Variants in MFSD11 observed in about 807,000 individuals in gnomAD.
MFSD11 encodes UNC93-like protein MFSD11.
Under a neutral mutation model 53.5 loss-of-function variants are expected in MFSD11, and 36 were observed. The observed-to-expected ratio is 0.67, with a 90% CI of 0.52 to 0.89. The LOEUF (loss-of-function observed/expected upper bound fraction) is 0.89. MFSD11 is among the 40% of genes least tolerant of loss of function. MFSD11 has a pLI of 0.00. For synonymous variants in MFSD11, 186 were observed against 184.9 expected (o/e 1.01, Z -0.05); for missense variants, 530 against 543.9 (o/e 0.97, Z 0.25).
chr17:76,759,556 G>A (rs2079990664), intron 8 of MFSD11, among the ~76,000 whole-genome samples: 2 of 152,040 alleles, frequency 1.3e-5, no homozygotes, highest in Non-Finnish European at 2.9e-5. Context: ...GCAGGTTTAA[G>A]CGATTCTCCT....
chr17:76,767,187 A>G lies in MFSD11; in HGVS notation c.683-199A>G, dbSNP rs2080923557. The G allele has an allele frequency of 7.9e-6, 4 of 504,744 alleles. No individual in the cohort carries two copies. The South Asian group carries it at 1.1e-4, about 14-fold the overall frequency. The allele number at this position is 504,744 out of a possible 1,614,324, so 31.3% of individuals were successfully genotyped here. On this transcript the variant is annotated intron_variant, in intron 8 of 12. Coordinates refer to ENST00000685175, the MANE Select transcript of MFSD11 (RefSeq NM_001242532.5). Reference sequence around the variant, plus strand: ...CTGAGGAAATGCATCTGTAGAATGTATTTAAGCACTTGAAATAAACGTTTT... The same window carrying G: ...CTGAGGAAATGCATCTGTAGAATGTGTTTAAGCACTTGAAATAAACGTTTT...
At chr17:76,769,960 G>T in intron 10 of MFSD11, 89 bp downstream of exon 10, 1 of 1,206,590 alleles carries the variant, frequency 8.3e-7, no homozygotes, top group Non-Finnish European at 1.2e-6. Flanking sequence ...CTTTGTCCTT[G>T]AATTTCTGTT....
downstream of MFSD11, among the ~76,000 whole-genome samples, chr17:76,786,336 G>C (rs1411586935): frequency 1.3e-5 from 2 of 151,866 alleles, no homozygotes; most frequent in African/African-American, 4.8e-5. Flanking sequence ...GTAGAGACAG[G>C]GTTTCGCCAT....
intron 10 of MFSD11, among the ~76,000 whole-genome samples, chr17:76,771,419 A>G (rs1286600308): frequency 6.6e-6 from 1 of 152,260 alleles, no homozygotes; most frequent in Non-Finnish European, 1.5e-5. Flanking sequence ...TATATTGAAT[A>G]TTGTGTTAGA....
chr17:76,737,311 T>G, upstream of MFSD11: 7 of 1,112,280 alleles, frequency 6.3e-6, no homozygotes, highest in Non-Finnish European at 8.6e-6. Flanking sequence ...CTCCGCAGGC[T>G]AGCGCACCTG....
At chr17:76,741,748 A>G (rs527693315) in intron 3 of MFSD11, among the ~76,000 whole-genome samples, 1 of 152,298 alleles carries the variant, frequency 6.6e-6, no homozygotes. Context: ...TGATGGTACC[A>G]CTGCACTCCA....
intron 7 of MFSD11, chr17:76,752,813 G>A (rs1375911524): frequency 6.6e-6 from 1 of 152,184 alleles, no homozygotes; most frequent in East Asian, 1.9e-4. Context: ...TAATCTTCCT[G>A]AGGTAAATAT....
intron 8 of MFSD11, among the ~76,000 whole-genome samples, chr17:76,763,066 G>A (rs999763797): frequency 6.6e-6 from 1 of 152,062 alleles, no homozygotes; most frequent in African/African-American, 2.4e-5. Flanking sequence ...CATAAAGTTC[G>A]TGTACAAGTT....
chr17:76,759,756 C>CTTTTTTTTTTTTTTTT lies in MFSD11; in HGVS notation c.682+5684_682+5699dup, dbSNP rs1159131964. 5.6e-4 allele frequency among the ~76,000 whole-genome samples: 15 copies of CTTTTTTTTTTTTTTTT among 27,018 alleles called. 2 individuals carry two copies. Among genetic ancestry groups the CTTTTTTTTTTTTTTTT allele is most frequent in the South Asian group, 1.3e-3 (1 of 764 alleles). 17.7% of individuals were successfully genotyped at this position (27,018 alleles called of 152,430 possible). On this transcript the variant is annotated intron_variant, in intron 8 of 12. Coordinates refer to ENST00000685175, the MANE Select transcript of MFSD11 (RefSeq NM_001242532.5). Reference sequence around the variant, plus strand: ...ACAGGTGTGAGCCACCGTGACCGGCCTTTTTTTTTTTTTTTTTTTTTTTTT... The same window carrying CTTTTTTTTTTTTTTTT: ...ACAGGTGTGAGCCACCGTGACCGGCCTTTTTTTTTTTTTTTTTTTTTTTTTTTTTTTTTTTTTTTTT...
the MFSD11 span, among the ~76,000 whole-genome samples, chr17:76,800,861 G>T: frequency 6.6e-6 from 1 of 152,104 alleles, no homozygotes; most frequent in African/African-American, 2.4e-5. Context: ...CAGATCACCT[G>T]AGGTCAGGAG....
chr17:76,771,470 T>G (rs2081372133), intron 10 of MFSD11, among the ~76,000 whole-genome samples: 1 of 152,238 alleles, frequency 6.6e-6, no homozygotes, highest in Non-Finnish European at 1.5e-5. Flanking sequence ...ATCTGTCATG[T>G]CAACAAAATA....
At chr17:76,795,466 G>A in the MFSD11 span, among the ~76,000 whole-genome samples, 2 of 151,864 alleles carry the variant, frequency 1.3e-5, no homozygotes, top group African/African-American at 4.8e-5. Context: ...TCCAGCCTGG[G>A]TGACAGAACG....
At position 76,743,550 on chromosome 17, in the gene MFSD11, C is replaced by T. The variant is rs566370914; in HGVS notation, c.496+94C>T. ...ATTATTGCTTTATTCAAGCATCGTT[C>T]TCATGAACCCCGACACCTCAAGTTC... On this transcript the variant is annotated intron_variant, in intron 6 of 12. Transcript: ENST00000685175. 5.5e-6 allele frequency: 4 copies of T among 724,436 alleles called. No individual in the cohort carries two copies. The East Asian group carries it at 1.2e-4, about 22-fold the overall frequency. 44.9% of individuals were successfully genotyped at this position (724,436 alleles called of 1,614,324 possible). A position where few individuals can be genotyped will look rare whatever the true frequency, so the allele number is the denominator to read the frequency against.
intron 7 of MFSD11, among the ~76,000 whole-genome samples, chr17:76,753,687 C>CAA (rs11393515): frequency 0.015 from 1,879 of 126,840 alleles, 31 homozygotes; most frequent in African/African-American, 0.038. Context: ...GACCCTGTCT[C>CAA]AAAAAAAAAA....
chr17:76,770,031 CTT>C (rs367900405), intron 10 of MFSD11, among the ~76,000 whole-genome samples, 160 bp downstream of exon 10: 7 of 131,044 alleles, frequency 5.3e-5, no homozygotes, highest in East Asian at 2.2e-4. Flanking sequence ...TATTCTTTTT[CTT>C]TTTTTTTTTT....
downstream of MFSD11, among the ~76,000 whole-genome samples, chr17:76,780,562 C>T (rs2082138454): frequency 6.6e-6 from 1 of 150,846 alleles, no homozygotes; most frequent in Admixed American, 6.6e-5. Context: ...GTTGCCCAGG[C>T]TAGAGTGCAG....
chr17:76,787,886 C>G, the MFSD11 span, among the ~76,000 whole-genome samples: 1 of 150,094 alleles, frequency 6.7e-6, no homozygotes, highest in East Asian at 1.9e-4. Context: ...ACAGAACAGA[C>G]TCTGTAGCAA....
intron 8 of MFSD11, among the ~76,000 whole-genome samples, chr17:76,764,318 A>G (rs1003437797): frequency 5.3e-5 from 8 of 151,778 alleles, no homozygotes; most frequent in African/African-American, 1.9e-4. Flanking sequence ...AGTGTTATTA[A>G]CTGTCAACAC....
chr17:76,738,594 G>A (rs1287295205), intron 1 of MFSD11, 146 bp downstream of exon 1: 1 of 647,386 alleles, frequency 1.5e-6, no homozygotes, highest in Non-Finnish European at 2.7e-6. Context: ...TTATGATTAG[G>A]TTTGATTTCT....
Sources: allele counts gnomAD v4.1 joint callset (sites outside exome capture counted in the v4.1 genomes callset), GRCh38; gene constraint gnomAD v4.1.1; transcripts MANE v1.5; gene names NCBI Gene and HGNC (gene_info 2026-07-23, HGNC 2026-07-21).